The following DPP6 variants were observed in gnomAD, a reference collection of about 807,000 sequenced individuals.
DPP6 encodes the protein dipeptidyl peptidase like 6.
A neutral mutation model predicts 122.6 loss-of-function variants in DPP6; 69 were observed. The ratio of observed to expected loss-of-function variants is 0.56; its 90% CI spans 0.46 to 0.69. The LOEUF (loss-of-function observed/expected upper bound fraction) is 0.69, where lower values mean the gene tolerates loss of function less well. Among genes scored for constraint, DPP6 ranks in the 30% least tolerant of loss-of-function variants. DPP6 has a pLI of 0.00. For synonymous variants in DPP6, 418 were observed against 433.1 expected (o/e 0.97, Z 0.43); for missense variants, 928 against 1,116.9 (o/e 0.83, Z 2.41).
At chr7:154,632,932 T>TA (rs1835495570) in intron 5 of DPP6, among the ~76,000 whole-genome samples, 2 of 152,226 alleles carry the variant, frequency 1.3e-5, no homozygotes, top group Non-Finnish European at 2.9e-5. Flanking sequence ...AACTGCTTTC[T>TA]AAAAAATTAT....
chr7:154,032,866 C>A (rs1001576370), intron 1 of DPP6, among the ~76,000 whole-genome samples: 1 of 147,940 alleles, frequency 6.8e-6, no homozygotes, highest in Non-Finnish European at 1.5e-5. Context: ...CCCATCCCCC[C>A]CTACCCCCTT....
chr7:153,786,184 T>C, the DPP6 span, among the ~76,000 whole-genome samples: 1 of 151,970 alleles, frequency 6.6e-6, no homozygotes. Flanking sequence ...GCTAGTCATT[T>C]ACATCATTTT....
At chr7:154,062,562 G>A (rs1486571673) in intron 1 of DPP6, among the ~76,000 whole-genome samples, 1 of 9,394 alleles carries the variant, frequency 1.1e-4, no homozygotes, top group Non-Finnish European at 2.3e-4. Context: ...TACCCCCATC[G>A]CAGGGGGGGG....
chr7:153,813,802 T>G, the DPP6 span, among the ~76,000 whole-genome samples: 1 of 151,836 alleles, frequency 6.6e-6, no homozygotes, highest in Non-Finnish European at 1.5e-5. Flanking sequence ...TTTCATGTGT[T>G]TTTTGGCTGC....
intron 5 of DPP6, among the ~76,000 whole-genome samples, chr7:154,567,925 G>T (rs1408471020): frequency 6.6e-6 from 1 of 152,190 alleles, no homozygotes; most frequent in Non-Finnish European, 1.5e-5. Flanking sequence ...TGGACAACTG[G>T]ATTACTGGAG....
At chr7:154,031,920 G>A (rs1030611897) in intron 1 of DPP6, among the ~76,000 whole-genome samples, 1 of 148,342 alleles carries the variant, frequency 6.7e-6, no homozygotes, top group Non-Finnish European at 1.5e-5. Context: ...GGAGCGCAGT[G>A]GCACAATCTC....
At chr7:153,879,345 G>A in the DPP6 span, among the ~76,000 whole-genome samples, 18 of 152,198 alleles carry the variant, frequency 1.2e-4, no homozygotes, top group African/African-American at 4.3e-4. Flanking sequence ...ACCAGCCCAA[G>A]CTTTTCTAAC....
intron 16 of DPP6, among the ~76,000 whole-genome samples, chr7:154,848,142 C>G (rs936547700): frequency 6.6e-6 from 1 of 152,226 alleles, no homozygotes; most frequent in Non-Finnish European, 1.5e-5. Context: ...GAAGTACAGA[C>G]AGCTCTTCAA....
intron 8 of DPP6, among the ~76,000 whole-genome samples, chr7:154,754,802 A>G (rs1001206538): frequency 6.6e-6 from 1 of 152,238 alleles, no homozygotes; most frequent in African/African-American, 2.4e-5. Context: ...AGCCATAAAA[A>G]AGAATGAGTT....
At chr7:154,491,480 T>C (rs118035976) in intron 3 of DPP6, among the ~76,000 whole-genome samples, 1 of 152,202 alleles carries the variant, frequency 6.6e-6, no homozygotes, top group African/African-American at 2.4e-5. Flanking sequence ...CTATTTCACT[T>C]TGAGGCTCAA....
intron 4 of DPP6, among the ~76,000 whole-genome samples, chr7:154,555,213 C>T (rs559869896): frequency 4.6e-5 from 7 of 152,164 alleles, no homozygotes; most frequent in African/African-American, 1.7e-4. Flanking sequence ...ACTTTTTTCT[C>T]ATAATAGAAT....
At chr7:153,965,028 C>T (rs1795619537) in intron 1 of DPP6, among the ~76,000 whole-genome samples, 1 of 142,240 alleles carries the variant, frequency 7.0e-6, no homozygotes, top group Non-Finnish European at 1.5e-5. Flanking sequence ...TCCTTCCTTC[C>T]TTCCTTTCTT....
At chr7:153,808,418 TCTGTGTGTGTGA>T in the DPP6 span, among the ~76,000 whole-genome samples, 8 of 151,858 alleles carry the variant, frequency 5.3e-5, no homozygotes, top group African/African-American at 1.2e-4. Flanking sequence ...TGTATGTGTG[TCTGTGTGTGTGA>T]CTGTGTGTGT....
intron 1 of DPP6, among the ~76,000 whole-genome samples, chr7:154,156,668 A>G (rs1796695496): frequency 6.6e-6 from 1 of 152,224 alleles, no homozygotes; most frequent in Non-Finnish European, 1.5e-5. Context: ...GTTTAATAAA[A>G]TGTCTTTCCT....
intron 1 of DPP6, among the ~76,000 whole-genome samples, chr7:154,185,654 G>C (rs1277433488): frequency 6.6e-6 from 1 of 152,150 alleles, no homozygotes; most frequent in Non-Finnish European, 1.5e-5. Context: ...ACAGCAAGCA[G>C]TGAGCGCATC....
chr7:154,611,855 A>ATGTG (rs545017220), intron 5 of DPP6, among the ~76,000 whole-genome samples: 62 of 72,354 alleles, frequency 8.6e-4, no homozygotes, highest in East Asian at 3.3e-3. Context: ...GCTTTCATAT[A>ATGTG]TGTGTGTGTG....
At chr7:154,393,015 C>T (rs1005491846) in intron 1 of DPP6, among the ~76,000 whole-genome samples, 1 of 152,196 alleles carries the variant, frequency 6.6e-6, no homozygotes, top group African/African-American at 2.4e-5. Flanking sequence ...GATTTAAACC[C>T]TGGAATTAGA....
chr7:153,829,626 G>C, the DPP6 span, among the ~76,000 whole-genome samples: 1 of 152,128 alleles, frequency 6.6e-6, no homozygotes, highest in Non-Finnish European at 1.5e-5. Flanking sequence ...AGCATTTACT[G>C]TGTGACGGGC....
intron 1 of DPP6, among the ~76,000 whole-genome samples, chr7:153,940,097 C>T (rs1175050401): frequency 2.0e-5 from 3 of 152,200 alleles, no homozygotes; most frequent in Admixed American, 6.5e-5. Flanking sequence ...TAGCTTCCTC[C>T]TCCCTCTTTT....
Sources: allele counts gnomAD v4.1 joint callset (sites outside exome capture counted in the v4.1 genomes callset), GRCh38; gene constraint gnomAD v4.1.1; transcripts MANE v1.5; gene names NCBI Gene and HGNC (gene_info 2026-07-23, HGNC 2026-07-21).